ADAM9: variants seen among roughly 807,000 people sequenced by gnomAD.
ADAM9 encodes disintegrin and metalloproteinase domain-containing protein 9.
In ADAM9, 54 loss-of-function variants were observed where a neutral mutation model predicts 108.1. The ratio of observed to expected loss-of-function variants is 0.50; its 90% confidence interval spans 0.40 to 0.63. The LOEUF is 0.63. ADAM9 is among the 20% of genes least tolerant of loss of function. The pLI is 0.00. For synonymous variants in ADAM9, 316 were observed against 336.0 expected, an observed-to-expected ratio of 0.94 and a Z score of 0.65; for missense variants, 830 against 997.7, an observed-to-expected ratio of 0.83 and a Z score of 2.26.
At chr8:39,009,641 G>C (rs1836279713) in intron 2 of ADAM9, among the ~76,000 whole-genome samples, 2 of 152,096 alleles carry the variant, frequency 1.3e-5, no homozygotes, top group Admixed American at 1.3e-4. Context: ...ATTAATACTT[G>C]GGATCGTCAT....
intron 9 of ADAM9, among the ~76,000 whole-genome samples, chr8:39,023,709 C>T (rs1836822612): frequency 1.3e-5 from 2 of 150,154 alleles, no homozygotes; most frequent in South Asian, 4.2e-4. Context: ...CTCAGTATTT[C>T]CTAGGCATGC....
chr8:39,101,628 G>A (rs1839697257), intron 20 of ADAM9, among the ~76,000 whole-genome samples: 1 of 152,130 alleles, frequency 6.6e-6, no homozygotes, highest in Non-Finnish European at 1.5e-5. Context: ...AAACATCAAT[G>A]ACTTTTCTGT....
At chr8:39,061,363 C>T (rs77714196) in intron 14 of ADAM9, among the ~76,000 whole-genome samples, 6 of 152,258 alleles carry the variant, frequency 3.9e-5, no homozygotes, top group East Asian at 3.9e-4. Context: ...GTTCAGGGAC[C>T]CACTAGGCCT....
At chr8:39,084,305 A>G (rs1362111177) in intron 18 of ADAM9, among the ~76,000 whole-genome samples, 4 of 146,710 alleles carry the variant, frequency 2.7e-5, no homozygotes, top group Non-Finnish European at 6.0e-5. Flanking sequence ...TTCTTTTTCT[A>G]GTTTCTTAAG....
At chr8:39,014,739 T>C (rs747471918) in intron 4 of ADAM9, 2 of 532,268 alleles carry the variant, frequency 3.8e-6, no homozygotes, top group East Asian at 3.0e-5. Context: ...ATTTTTCTTC[T>C]GAACTTTGTA....
intron 3 of ADAM9, among the ~76,000 whole-genome samples, chr8:39,012,713 A>G (rs898647003): frequency 2.0e-5 from 3 of 151,084 alleles, no homozygotes; most frequent in Non-Finnish European, 4.4e-5. Flanking sequence ...ACCAAACACC[A>G]CATGTTCTCA....
At chr8:39,053,447 C>A (rs544183017) in intron 12 of ADAM9, among the ~76,000 whole-genome samples, 1 of 152,222 alleles carries the variant, frequency 6.6e-6, no homozygotes, top group African/African-American at 2.4e-5. Context: ...TTAGGTTTTA[C>A]ATTTAGTTCC....
chr8:39,082,554 A>G (rs1295751224), intron 16 of ADAM9, 87 bp from the exon 17 acceptor site: 4 of 960,928 alleles, frequency 4.2e-6, no homozygotes, highest in Non-Finnish European at 6.4e-6. Context: ...CTGCAATGAA[A>G]TAATCTGTAC....
chr8:39,090,339 T>G (rs1204946770), intron 19 of ADAM9, 151 bp downstream of exon 19: 1 of 652,284 alleles, frequency 1.5e-6, no homozygotes, highest in East Asian at 2.9e-5. Context: ...CCCAGTTAAT[T>G]TTTATATTTT....
intron 14 of ADAM9, among the ~76,000 whole-genome samples, chr8:39,061,559 G>T (rs1276723231): frequency 6.6e-6 from 1 of 152,106 alleles, no homozygotes; most frequent in Non-Finnish European, 1.5e-5. Context: ...TTCTGTCTCA[G>T]TCTATTTTGT....
Position 39,055,331 on chromosome 8 carries a change from G to A in ADAM9, c.1396-246G>A, listed in dbSNP as rs183463749. Among the ~76,000 whole-genome samples, 477 of 152,278 alleles carry A rather than the reference G, an allele frequency of 3.1e-3. 13 individuals carry two copies. The highest frequency in any genetic ancestry group is 0.03 in the Admixed American group (460 of 15,288). ...TCCTAGTTAATTCAATAGGTGTAAA[G>A]GGTTCTTGTATTTTTATTTAGTTTG... is the stretch of plus-strand genomic sequence containing the variant. On this transcript the variant is annotated intron_variant, in intron 13 of 21. Coordinates refer to ENST00000487273, the MANE Select transcript of ADAM9 (RefSeq NM_003816.3).
intron 11 of ADAM9, among the ~76,000 whole-genome samples, chr8:39,027,497 A>T (rs1367738728): frequency 6.6e-6 from 1 of 152,214 alleles, no homozygotes; most frequent in African/African-American, 2.4e-5. Flanking sequence ...GCAGATGAGG[A>T]AACTGAGGTC....
At chr8:39,077,082 C>T in intron 15 of ADAM9, 146 bp from the exon 16 acceptor site, 1 of 871,024 alleles carries the variant, frequency 1.1e-6, no homozygotes, top group South Asian at 1.6e-5. Context: ...AAGAGAGCTA[C>T]TTTGACCTCT....
At position 39,009,162 on chromosome 8, in the gene ADAM9, A is replaced by G. The variant is rs138527416; in HGVS notation, c.195+1179A>G. 1.7e-3 allele frequency among the ~76,000 whole-genome samples: 254 copies of G among 152,308 alleles called. 1 individual carries two copies. The highest frequency in any genetic ancestry group is 5.8e-3 in the African/African-American group (242 of 41,574). ...ACTCAACTCCATTTACATCTCTCCA[A>G]CTGAGGAGTAAATGACTCTAAGATC... On this transcript the variant is annotated intron_variant, in intron 2 of 21. Transcript: ENST00000487273.
intron 11 of ADAM9, among the ~76,000 whole-genome samples, chr8:39,027,404 A>G (rs890400281): frequency 6.6e-6 from 1 of 152,226 alleles, no homozygotes; most frequent in Non-Finnish European, 1.5e-5. Context: ...TTTTATGTAC[A>G]GGCACTATTG....
At chr8:39,038,679 A>G (rs960373146) in intron 11 of ADAM9, among the ~76,000 whole-genome samples, 4 of 152,248 alleles carry the variant, frequency 2.6e-5, no homozygotes, top group Admixed American at 6.5e-5. Context: ...TGCCTTGTAC[A>G]TAATAGATAT....
intron 18 of ADAM9, among the ~76,000 whole-genome samples, chr8:39,084,381 T>C (rs571839414): frequency 1.3e-5 from 2 of 151,910 alleles, no homozygotes; most frequent in East Asian, 1.9e-4. Flanking sequence ...CAGTTTTCCT[T>C]TAATTCAGAA....
chr8:39,083,235 T>G (rs1028005979), intron 18 of ADAM9, among the ~76,000 whole-genome samples, 162 bp downstream of exon 18: 3 of 152,190 alleles, frequency 2.0e-5, no homozygotes, highest in Non-Finnish European at 4.4e-5. Context: ...CTCATCCCCA[T>G]TTATTACTTT....
chr8:39,000,284 G>C (rs562046105), intron 1 of ADAM9, among the ~76,000 whole-genome samples: 1 of 152,050 alleles, frequency 6.6e-6, no homozygotes, highest in Admixed American at 6.6e-5. Context: ...GAGCCACCGC[G>C]CCCCAGCCTC....
Sources: gnomAD v4.1 joint callset for allele counts (sites outside exome capture counted in the v4.1 genomes callset) on GRCh38, gnomAD v4.1.1 for gene constraint, MANE v1.5 for transcripts, NCBI Gene and HGNC (gene_info 2026-07-23, HGNC 2026-07-21) for gene names.